The following ERI1 variants were observed in gnomAD, a reference collection of about 807,000 sequenced individuals.
ERI1 encodes the protein 3'-5' exoribonuclease 1.
A neutral mutation model predicts 39.7 loss-of-function variants in ERI1; 39 were observed. That is an observed-to-expected ratio of 0.98 (90% CI 0.76 to 1.28). The LOEUF (loss-of-function observed/expected upper bound fraction) is 1.28, where lower values mean the gene tolerates loss of function less well. Ranked by LOEUF, ERI1 falls within the 50% of genes most tolerant of loss-of-function variation. The pLI is 0.00. For synonymous variants in ERI1, 204 were observed against 149.6 expected (o/e 1.36, Z -2.65); for missense variants, 581 against 416.9 (o/e 1.39, Z -3.43).
chr8:9,086,560 G>A (rs1799533273), intron 3 of ERI1, among the ~76,000 whole-genome samples: 1 of 152,030 alleles, frequency 6.6e-6, no homozygotes, highest in East Asian at 1.9e-4. Flanking sequence ...CTAGGCAACC[G>A]ACCAACCAAT....
rs116423781 is a variant in ERI1, at chr8:9,015,308, A to G, written c.499-1014A>G. The stretch of plus-strand genomic sequence containing the variant: ...AAGAATATTTTTTGTCATTTTCTCT[A>G]TATCTACTACCTAGGATTAACAGTT... On this transcript the variant is annotated intron_variant, in intron 3 of 6. Transcript: ENST00000250263. Among the ~76,000 whole-genome samples the G allele has an allele frequency of 2.2e-3, 329 of 152,268 alleles. 2 individuals carry two copies. Among genetic ancestry groups the G allele is most frequent in the African/African-American group, 7.5e-3 (311 of 41,556 alleles).
chr8:9,067,467 C>A (rs1798916436), intron 3 of ERI1, among the ~76,000 whole-genome samples: 1 of 150,116 alleles, frequency 6.7e-6, no homozygotes, highest in South Asian at 2.1e-4. Context: ...CTAGCCTGGG[C>A]AACATAGAGA....
At chr8:9,057,191 C>G (rs1332516134) in intron 3 of ERI1, among the ~76,000 whole-genome samples, 2 of 152,084 alleles carry the variant, frequency 1.3e-5, no homozygotes, top group African/African-American at 4.8e-5. Context: ...GTCGCCCAGG[C>G]TGGAGTATGG....
At chr8:9,085,963 G>A (rs1799512286) in intron 3 of ERI1, among the ~76,000 whole-genome samples, 1 of 150,816 alleles carries the variant, frequency 6.6e-6, no homozygotes, top group South Asian at 2.1e-4. Flanking sequence ...AAGCATGCAT[G>A]TGTTGGTTTG....
chr8:9,027,616 A>G (rs1026189704), intron 6 of ERI1, among the ~76,000 whole-genome samples: 1 of 152,148 alleles, frequency 6.6e-6, no homozygotes, highest in Non-Finnish European at 1.5e-5. Flanking sequence ...TGAATGTCTT[A>G]CATTTAGGTC....
rs778084775 is a variant in ERI1 at position 9,011,705 on chromosome 8, A to T, written c.451A>T (p.Ile151Leu). Residue 151 changes from isoleucine to leucine, a missense_variant, in exon 3 of 7, where the codon ATA (isoleucine) becomes TTA (leucine). Coordinates refer to ENST00000250263, the MANE Select transcript of ERI1 (RefSeq NM_153332.4). The part of the protein sequence containing the change: ...EGNPPEFVHE[I>L]IEFPVVLLNT... ...AAACCCACCTGAGTTTGTACATGAA[A>T]TAATTGAATTTCCGGTTGTTTTACT... The T allele has an allele frequency of 6.8e-6, 11 of 1,611,928 alleles. No individual in the cohort carries two copies. The highest frequency in any genetic ancestry group is 7.6e-6 in the Non-Finnish European group (9 of 1,178,868).
chr8:9,061,455 G>C (rs2979250), intron 3 of ERI1, among the ~76,000 whole-genome samples: 127,628 of 152,112 alleles, frequency 0.84, 54,239 homozygotes, highest in South Asian at 0.92. Context: ...GTTATGAGAG[G>C]TGTAGAAAGT....
At chr8:9,044,708 C>G (rs555794361) in intron 3 of ERI1, among the ~76,000 whole-genome samples, 2 of 152,082 alleles carry the variant, frequency 1.3e-5, no homozygotes, top group East Asian at 3.9e-4. Context: ...GCAGACACAG[C>G]ATGTTGAAGA....
At chr8:9,095,222 A>C (rs1398414954) in intron 3 of ERI1, among the ~76,000 whole-genome samples, 1 of 152,176 alleles carries the variant, frequency 6.6e-6, no homozygotes, top group Admixed American at 6.6e-5. Flanking sequence ...CAGGGAGTAC[A>C]TGTGCAGGTT....
chr8:9,073,429 G>A (rs1244937447), intron 3 of ERI1, among the ~76,000 whole-genome samples: 2 of 152,204 alleles, frequency 1.3e-5, no homozygotes, highest in Admixed American at 6.5e-5. Context: ...TGTCTGGGGG[G>A]AGGTTACCGA....
chr8:9,076,106 T>G (rs1329777541), intron 3 of ERI1, among the ~76,000 whole-genome samples: 1 of 152,132 alleles, frequency 6.6e-6, no homozygotes, highest in African/African-American at 2.4e-5. Flanking sequence ...CCAGCTAATT[T>G]TTGCTGCTGT....
intron 3 of ERI1, among the ~76,000 whole-genome samples, chr8:9,082,660 C>T (rs1192815077): frequency 6.6e-6 from 1 of 152,150 alleles, no homozygotes; most frequent in African/African-American, 2.4e-5. Flanking sequence ...AAAGTAGGCA[C>T]CTGCTTGGGA....
At chr8:9,058,854 T>TA (rs1001063343) in intron 3 of ERI1, among the ~76,000 whole-genome samples, 2 of 151,796 alleles carry the variant, frequency 1.3e-5, no homozygotes, top group Non-Finnish European at 2.9e-5. Context: ...AATAAATAAA[T>TA]AAATAAATAA....
chr8:9,096,511 G>A (rs1224666847), intron 3 of ERI1, among the ~76,000 whole-genome samples: 3 of 152,040 alleles, frequency 2.0e-5, no homozygotes, highest in East Asian at 3.9e-4. Flanking sequence ...CTTGGACAAC[G>A]TCACTGCTGG....
chr8:9,028,980 T>G (rs1019336115), intron 6 of ERI1, among the ~76,000 whole-genome samples: 6 of 149,930 alleles, frequency 4.0e-5, no homozygotes, highest in African/African-American at 1.2e-4. Flanking sequence ...AGAGTTTTTT[T>G]TTTTTTTTTT....
At chr8:9,024,237 T>C (rs1818229488) in intron 6 of ERI1, among the ~76,000 whole-genome samples, 1 of 152,226 alleles carries the variant, frequency 6.6e-6, no homozygotes, top group African/African-American at 2.4e-5. Context: ...TTGGTTTTTC[T>C]AAAAGTAGGC....
chr8:9,075,800 T>A (rs55911799), intron 3 of ERI1, among the ~76,000 whole-genome samples: 110,934 of 151,856 alleles, frequency 0.73, 41,825 homozygotes, highest in African/African-American at 0.84. Flanking sequence ...TCTTAAAAAA[T>A]TTTTTATTTA....
chr8:9,008,049 A>T lies in ERI1; in HGVS notation c.188A>T (p.Asp63Val). The T allele has an allele frequency of 1.2e-6, 2 of 1,603,152 alleles. No homozygotes were observed. Among genetic ancestry groups the T allele is most frequent in the Non-Finnish European group, 1.7e-6 (2 of 1,177,466 alleles). The change falls in exon 2 of 7, where the codon GAC (aspartate) becomes GTC (valine). Residue 63 changes from aspartate (D) to valine (V), a missense_variant. Transcript: ENST00000250263. ...FITSSASDFS[D>V]PVYKEIAITN... ...ACCTCCAGTGCGAGTGACTTCAGTG[A>T]CCCGGTTTACAAAGAGATTGCCATT...
At position 9,030,882 on chromosome 8, in the gene ERI1, A is replaced by G. The variant is rs1012819650; in HGVS notation, c.*848A>G. 1 of 152,202 alleles carries G rather than the reference A, an allele frequency of 6.6e-6. No homozygotes were observed. The highest frequency in any genetic ancestry group is 1.5e-5 in the Non-Finnish European group (1 of 68,014). The allele number at this position is 152,202 out of a possible 1,614,324, so 9.4% of individuals were successfully genotyped here. On this transcript the variant is annotated 3_prime_UTR_variant, in exon 7 of 7. Coordinates refer to ENST00000250263, the MANE Select transcript of ERI1 (RefSeq NM_153332.4). ...TGTATTCAGTATCGTAAGTGAGGTTAATAAAGTCAATACTTTCTACCATAT... is the reference window on the plus strand; with the variant it reads ...TGTATTCAGTATCGTAAGTGAGGTTGATAAAGTCAATACTTTCTACCATAT...
Sources: gnomAD v4.1 joint callset for allele counts (sites outside exome capture counted in the v4.1 genomes callset) on GRCh38, gnomAD v4.1.1 for gene constraint, MANE v1.5 for transcripts, NCBI Gene and HGNC (gene_info 2026-07-23, HGNC 2026-07-21) for gene names.